Variants in BABAM2 observed in about 807,000 individuals in gnomAD.
BABAM2 encodes the protein BRISC and BRCA1 A complex member 2.
A neutral mutation model predicts 54.7 loss-of-function variants in BABAM2; 31 were observed. The ratio of observed to expected loss-of-function variants is 0.57; its 90% CI spans 0.43 to 0.77. BABAM2 has a LOEUF of 0.77. Among genes scored for constraint, BABAM2 ranks in the 30% least tolerant of loss-of-function variants. The pLI is 0.00. For missense variants in BABAM2, 364 were observed against 455.8 expected, an observed-to-expected ratio of 0.80 and a Z score of 1.83; for synonymous variants, 167 against 162.9, an observed-to-expected ratio of 1.03 and a Z score of -0.19.
chr2:28,321,855 T>A (rs1452676515), intron 11 of BABAM2, among the ~76,000 whole-genome samples: 1 of 151,940 alleles, frequency 6.6e-6, no homozygotes, highest in African/African-American at 2.4e-5. Flanking sequence ...ATTGTGGAGT[T>A]CCTTGTCCCG....
chr2:28,151,514 G>A (rs1170016320), intron 7 of BABAM2, among the ~76,000 whole-genome samples: 3 of 152,132 alleles, frequency 2.0e-5, no homozygotes, highest in Non-Finnish European at 4.4e-5. Flanking sequence ...GGCAGAAGTT[G>A]CAGTGAGCCG....
intron 3 of BABAM2, among the ~76,000 whole-genome samples, chr2:27,956,724 G>A (rs1670114850): frequency 6.6e-6 from 1 of 152,204 alleles, no homozygotes; most frequent in African/African-American, 2.4e-5. Context: ...AATTATGAAG[G>A]TTATATAGAG....
intron 3 of BABAM2, among the ~76,000 whole-genome samples, chr2:27,933,725 A>G (rs1470816970): frequency 6.6e-6 from 1 of 150,594 alleles, no homozygotes; most frequent in African/African-American, 2.4e-5. Context: ...AGCCTCCCAA[A>G]ATGCTGGGAT....
chr2:27,958,544 G>C (rs927801449), intron 3 of BABAM2, among the ~76,000 whole-genome samples: 1 of 148,990 alleles, frequency 6.7e-6, no homozygotes, highest in Middle Eastern at 3.2e-3. Context: ...ACTTATATAT[G>C]TTTATATATA....
chr2:28,242,666 T>C (rs903708214), intron 9 of BABAM2, among the ~76,000 whole-genome samples: 2 of 152,094 alleles, frequency 1.3e-5, no homozygotes, highest in African/African-American at 4.8e-5. Flanking sequence ...ACCAAGAAAA[T>C]GATTTGTCAC....
At chr2:28,253,993 G>A (rs1478868560) in intron 10 of BABAM2, among the ~76,000 whole-genome samples, 1 of 152,186 alleles carries the variant, frequency 6.6e-6, no homozygotes, top group Admixed American at 6.5e-5. Context: ...AAGAGCTACT[G>A]ATTACCAAAA....
chr2:28,298,447 G>T lies in BABAM2; in HGVS notation c.1044G>T (p.Pro348=). 1 of 1,614,072 alleles carries T rather than the reference G, an allele frequency of 6.2e-7. No homozygotes were observed. Among genetic ancestry groups the T allele is most frequent in the South Asian group, 1.1e-5 (1 of 91,084 alleles). Residue 348 remains proline, a synonymous_variant, in exon 11 of 12, where the codon CCG becomes CCT. Coordinates refer to ENST00000379624, the MANE Select transcript of BABAM2 (RefSeq NM_199191.3). ...QLYSQAQKNY[P]YSPRWDGNEM... ...ACTCCCAGGCCCAAAAAAATTATCC[G>T]TACAGCCCCAGATGGGATGGAAATG...
At chr2:27,994,091 G>C (rs1672967178) in intron 4 of BABAM2, among the ~76,000 whole-genome samples, 1 of 152,134 alleles carries the variant, frequency 6.6e-6, no homozygotes, top group South Asian at 2.1e-4. Flanking sequence ...TGCCTCATTT[G>C]AGACCTGTAA....
At chr2:28,103,584 CAG>C (rs543341988) in intron 6 of BABAM2, among the ~76,000 whole-genome samples, 1 of 152,316 alleles carries the variant, frequency 6.6e-6, no homozygotes, top group South Asian at 2.1e-4. Context: ...GTTGGGATGA[CAG>C]GCGTGAGCCA....
intron 2 of BABAM2, among the ~76,000 whole-genome samples, chr2:27,899,424 T>A (rs939069801): frequency 6.6e-6 from 1 of 152,100 alleles, no homozygotes; most frequent in African/African-American, 2.4e-5. Context: ...AAGATTTAAG[T>A]GCAAATAGTG....
chr2:28,173,384 T>G (rs999832242), intron 7 of BABAM2, among the ~76,000 whole-genome samples: 4 of 152,214 alleles, frequency 2.6e-5, no homozygotes, highest in Non-Finnish European at 4.4e-5. Flanking sequence ...CTCACAAGAC[T>G]TCAGCTCAGG....
intron 7 of BABAM2, among the ~76,000 whole-genome samples, chr2:28,131,793 C>A (rs1049456242): frequency 6.6e-6 from 1 of 152,178 alleles, no homozygotes; most frequent in Admixed American, 6.5e-5. Context: ...AGTACCAGTT[C>A]TAGCGTAGCC....
intron 5 of BABAM2, among the ~76,000 whole-genome samples, chr2:28,026,239 C>A: frequency 6.6e-6 from 1 of 152,102 alleles, no homozygotes; most frequent in East Asian, 1.9e-4. Flanking sequence ...TGGATATATA[C>A]CCAAAGGATT....
At chr2:27,975,440 A>G (rs1298818651) in intron 3 of BABAM2, among the ~76,000 whole-genome samples, 2 of 152,236 alleles carry the variant, frequency 1.3e-5, no homozygotes, top group African/African-American at 4.8e-5. Context: ...AATATGGTCA[A>G]TGATTTTCCA....
At chr2:28,328,265 C>T (rs987248057) in intron 11 of BABAM2, among the ~76,000 whole-genome samples, 7 of 152,164 alleles carry the variant, frequency 4.6e-5, no homozygotes, top group African/African-American at 1.7e-4. Flanking sequence ...ACTTGTCTTA[C>T]ACTATTTACA....
intron 6 of BABAM2, among the ~76,000 whole-genome samples, chr2:28,115,768 A>C (rs575700720): frequency 3.3e-4 from 50 of 152,214 alleles, no homozygotes; most frequent in African/African-American, 1.0e-3. Flanking sequence ...GAGTGATGAC[A>C]TGGAGTGTGG....
intron 6 of BABAM2, among the ~76,000 whole-genome samples, chr2:28,117,226 C>T (rs989634780): frequency 2.6e-5 from 4 of 152,220 alleles, no homozygotes; most frequent in South Asian, 2.1e-4. Flanking sequence ...TTATCTGTGT[C>T]CTCAGAGCCC....
intron 10 of BABAM2, among the ~76,000 whole-genome samples, chr2:28,265,659 A>G (rs1684920562): frequency 6.6e-6 from 1 of 152,064 alleles, no homozygotes; most frequent in Non-Finnish European, 1.5e-5. Flanking sequence ...CACACACGAC[A>G]CACGTACACT....
intron 6 of BABAM2, among the ~76,000 whole-genome samples, chr2:28,092,060 A>G (rs1666199534): frequency 6.6e-6 from 1 of 152,152 alleles, no homozygotes; most frequent in Admixed American, 6.5e-5. Context: ...TACCTCGTGA[A>G]TGAGCACATA....
Sources: gnomAD v4.1 joint callset for allele counts (sites outside exome capture counted in the v4.1 genomes callset) on GRCh38, gnomAD v4.1.1 for gene constraint, MANE v1.5 for transcripts, NCBI Gene and HGNC (gene_info 2026-07-23, HGNC 2026-07-21) for gene names.